The following ADAMTS19 variants were observed in gnomAD, a reference collection of about 807,000 sequenced individuals.
ADAMTS19 encodes the protein ADAM metallopeptidase with thrombospondin type 1 motif 19, also known as A disintegrin and metalloproteinase with thrombospondin motifs 19.
In ADAMTS19, 93 loss-of-function variants were observed where a neutral mutation model predicts 153.3. That is an observed-to-expected ratio of 0.61 (90% CI 0.51 to 0.72). ADAMTS19 has a LOEUF of 0.72. Among genes scored for constraint, ADAMTS19 ranks in the 30% least tolerant of loss-of-function variants. The pLI is 0.00. For missense variants in ADAMTS19, 1,482 were observed against 1,552.1 expected (o/e 0.95, Z 0.76); for synonymous variants, 600 against 556.6 (o/e 1.08, Z -1.10).
chr5:129,574,169 C>T (rs980120916), intron 7 of ADAMTS19, among the ~76,000 whole-genome samples: 4 of 151,992 alleles, frequency 2.6e-5, no homozygotes, highest in Non-Finnish European at 5.9e-5. Flanking sequence ...TATTTTAGAC[C>T]AGCCAATATA....
At chr5:129,678,076 G>A (rs993686416) in intron 16 of ADAMTS19, among the ~76,000 whole-genome samples, 23 of 152,118 alleles carry the variant, frequency 1.5e-4, no homozygotes, top group Non-Finnish European at 2.5e-4. Flanking sequence ...ACCTCCCAAA[G>A]TGCTGGGATT....
intron 21 of ADAMTS19, among the ~76,000 whole-genome samples, chr5:129,726,799 A>G (rs1323099055): frequency 1.3e-5 from 2 of 152,054 alleles, no homozygotes; most frequent in African/African-American, 4.8e-5. Flanking sequence ...CATTTGAATT[A>G]CAAAACCCCT....
intron 6 of ADAMTS19, among the ~76,000 whole-genome samples, chr5:129,540,936 T>G (rs1467478034): frequency 6.6e-6 from 1 of 152,060 alleles, no homozygotes; most frequent in Non-Finnish European, 1.5e-5. Context: ...TGAGAGAATT[T>G]GAATCCACAT....
At chr5:129,520,017 G>T (rs1751742494) in intron 3 of ADAMTS19, among the ~76,000 whole-genome samples, 1 of 152,116 alleles carries the variant, frequency 6.6e-6, no homozygotes, top group Non-Finnish European at 1.5e-5. Flanking sequence ...CCATCCAGAT[G>T]CACTAAGTCA....
At chr5:129,571,739 T>C (rs1371483232) in intron 7 of ADAMTS19, among the ~76,000 whole-genome samples, 1 of 151,826 alleles carries the variant, frequency 6.6e-6, no homozygotes, top group Non-Finnish European at 1.5e-5. Context: ...GGAGAAATAC[T>C]ACTCATTATA....
chr5:129,607,495 A>T (rs1411355278), intron 8 of ADAMTS19, among the ~76,000 whole-genome samples: 1 of 152,194 alleles, frequency 6.6e-6, no homozygotes, highest in Non-Finnish European at 1.5e-5. Context: ...TGCAGGACAT[A>T]AAGCAATTGA....
chr5:129,538,149 C>A lies in ADAMTS19; in HGVS notation c.1328+9472C>A, dbSNP rs145080477. On this transcript the variant is annotated intron_variant, in intron 6 of 22. Coordinates refer to ENST00000274487, the MANE Select transcript of ADAMTS19 (RefSeq NM_133638.6). The stretch of plus-strand genomic sequence containing the variant: ...GAAGACGATAATCATAATTTGATTA[C>A]TGATTTATAATTTTCTCTTATTACA... 3.2e-3 allele frequency among the ~76,000 whole-genome samples: 493 copies of A among 152,000 alleles called. 4 individuals are homozygous for A. The highest frequency in any genetic ancestry group is 0.011 in the African/African-American group (460 of 41,470).
At chr5:129,672,327 A>G (rs922988331) in intron 16 of ADAMTS19, among the ~76,000 whole-genome samples, 4 of 152,150 alleles carry the variant, frequency 2.6e-5, no homozygotes, top group South Asian at 4.1e-4. Flanking sequence ...GAGGGCACCA[A>G]TGTTTAATCC....
chr5:129,533,414 G>T (rs1385279142), intron 6 of ADAMTS19, among the ~76,000 whole-genome samples: 4 of 152,140 alleles, frequency 2.6e-5, no homozygotes, highest in African/African-American at 9.7e-5. Context: ...TTGGTAGTTT[G>T]TATTTCTGTG....
At chr5:129,527,015 T>C (rs916094167) in intron 4 of ADAMTS19, among the ~76,000 whole-genome samples, 1 of 151,880 alleles carries the variant, frequency 6.6e-6, no homozygotes, top group African/African-American at 2.4e-5. Flanking sequence ...TATGTAAAAT[T>C]TGATGTCAGA....
intron 2 of ADAMTS19, among the ~76,000 whole-genome samples, chr5:129,502,968 A>G (rs1295097791): frequency 6.6e-6 from 1 of 152,194 alleles, no homozygotes; most frequent in Non-Finnish European, 1.5e-5. Flanking sequence ...CTTTGGAGAA[A>G]GGACAGGGTC....
chr5:129,683,409 TTATA>T (rs147635091), intron 17 of ADAMTS19, among the ~76,000 whole-genome samples: 3 of 151,400 alleles, frequency 2.0e-5, no homozygotes, highest in African/African-American at 7.3e-5. Flanking sequence ...ATTGAACTAT[TTATA>T]TATATATATG....
intron 3 of ADAMTS19, among the ~76,000 whole-genome samples, chr5:129,513,559 G>A (rs945942952): frequency 2.6e-5 from 4 of 151,908 alleles, no homozygotes; most frequent in Admixed American, 6.6e-5. Flanking sequence ...AGTTCATGTA[G>A]TTATGTTACA....
At chr5:129,540,476 T>G (rs1752618272) in intron 6 of ADAMTS19, among the ~76,000 whole-genome samples, 1 of 152,128 alleles carries the variant, frequency 6.6e-6, no homozygotes, top group African/African-American at 2.4e-5. Flanking sequence ...AAGGCATATA[T>G]CTTTATGCCC....
rs148133217 is a variant in ADAMTS19, at chr5:129,704,561, C to T, written c.3312+170C>T. On this transcript the variant is annotated intron_variant, in intron 21 of 22. Transcript: ENST00000274487. Reference sequence around the variant, plus strand: ...GTCCATGATCATGATCTCTATAAAACTGTGTTAAAAATGAAGATAAAATGT... The same window carrying T: ...GTCCATGATCATGATCTCTATAAAATTGTGTTAAAAATGAAGATAAAATGT... Among the ~76,000 whole-genome samples the T allele has an allele frequency of 2.6e-5, 4 of 152,214 alleles. No individual in the cohort carries two copies. The East Asian group carries it at 7.7e-4, about 29-fold the overall frequency.
At chr5:129,503,728 T>C (rs770192139) in intron 2 of ADAMTS19, among the ~76,000 whole-genome samples, 3 of 151,940 alleles carry the variant, frequency 2.0e-5, no homozygotes, top group Non-Finnish European at 4.4e-5. Context: ...CTAGGGAGGC[T>C]GAGGCAGGAG....
At chr5:129,728,707 A>G (rs1757313985) in intron 21 of ADAMTS19, among the ~76,000 whole-genome samples, 1 of 152,252 alleles carries the variant, frequency 6.6e-6, no homozygotes, top group South Asian at 2.1e-4. Flanking sequence ...AGTGGTAGTA[A>G]TCTACTTCTA....
At chr5:129,541,700 A>G (rs1190345327) in intron 6 of ADAMTS19, among the ~76,000 whole-genome samples, 2 of 151,930 alleles carry the variant, frequency 1.3e-5, no homozygotes, top group Non-Finnish European at 2.9e-5. Flanking sequence ...AGCCTATTTT[A>G]TTTATCTCTG....
At chr5:129,556,175 GT>G (rs1226078957) in intron 7 of ADAMTS19, among the ~76,000 whole-genome samples, 2 of 152,056 alleles carry the variant, frequency 1.3e-5, no homozygotes, top group Non-Finnish European at 2.9e-5. Context: ...AGGTCAGTAG[GT>G]AGGTATGTAG....
Sources: allele counts gnomAD v4.1 joint callset (sites outside exome capture counted in the v4.1 genomes callset), GRCh38; gene constraint gnomAD v4.1.1; transcripts MANE v1.5; gene names NCBI Gene and HGNC (gene_info 2026-07-23, HGNC 2026-07-21).